The following LAMA2 variants were observed in gnomAD, a reference collection of about 807,000 sequenced individuals.
The protein encoded by LAMA2 is laminin subunit alpha-2.
In LAMA2, 269 loss-of-function variants were observed where a neutral mutation model predicts 364.8. The observed-to-expected ratio is 0.74, with a 90% CI of 0.67 to 0.82. The LOEUF is 0.82. LAMA2 is among the 40% of genes least tolerant of loss of function. LAMA2 has a pLI of 0.00. For synonymous variants in LAMA2, 1,379 were observed against 1,370.6 expected, an observed-to-expected ratio of 1.01 and a Z score of -0.14; for missense variants, 3,807 against 3,873.2, an observed-to-expected ratio of 0.98 and a Z score of 0.45.
intron 56 of LAMA2, among the ~76,000 whole-genome samples, chr6:129,489,476 C>T (rs9372935): frequency 0.32 from 48,623 of 152,000 alleles, 8,366 homozygotes; most frequent in African/African-American, 0.45. Flanking sequence ...TGGCATCCGC[C>T]TTGGTGGCCA....
At chr6:129,018,460 T>G (rs9492197) in intron 1 of LAMA2, among the ~76,000 whole-genome samples, 3,728 of 151,850 alleles carry the variant, frequency 0.025, 139 homozygotes, top group African/African-American at 0.086. Context: ...ATGAGACTTA[T>G]TAATATGAAA....
At chr6:129,236,180 G>C (rs1021474249) in intron 12 of LAMA2, among the ~76,000 whole-genome samples, 1 of 151,924 alleles carries the variant, frequency 6.6e-6, no homozygotes, top group Non-Finnish European at 1.5e-5. Flanking sequence ...ACAGTAAAAT[G>C]AGCAAGAAAA....
chr6:128,890,398 A>G (rs1208590989), intron 1 of LAMA2, among the ~76,000 whole-genome samples: 1 of 152,134 alleles, frequency 6.6e-6, no homozygotes, highest in East Asian at 1.9e-4. Context: ...TTGGACTTTT[A>G]TATATTTATC....
chr6:129,444,031 A>G (rs1782246655), intron 44 of LAMA2, among the ~76,000 whole-genome samples: 1 of 152,204 alleles, frequency 6.6e-6, no homozygotes, highest in Non-Finnish European at 1.5e-5. Context: ...CCTTAGGAAT[A>G]TAGATTAAAA....
chr6:129,366,311 G>A lies in LAMA2; in HGVS notation c.4810G>A (p.Ala1604Thr), dbSNP rs1440024241. The A allele has an allele frequency of 1.2e-6, 2 of 1,613,970 alleles. No homozygotes were observed. The highest frequency in any genetic ancestry group is 4.5e-5 in the East Asian group (2 of 44,864). The change falls in exon 33 of 65, where the codon GCG becomes ACG. Residue 1604 changes from alanine to threonine, a missense_variant. By Grantham distance (58) the Ala-to-Thr change is moderately conservative. Coordinates refer to ENST00000421865, the MANE Select transcript of LAMA2 (RefSeq NM_000426.4). ...CATCAACCTCACTGGTCCGCTGCCTGCGCCATATAAAATGCTGTATGGTCT... is the reference window on the plus strand; with the variant it reads ...CATCAACCTCACTGGTCCGCTGCCTACGCCATATAAAATGCTGTATGGTCT... ...MSINLTGPLPAPYKMLYGLEN... is the reference protein window; with the variant it reads ...MSINLTGPLPTPYKMLYGLEN...
intron 1 of LAMA2, among the ~76,000 whole-genome samples, chr6:129,018,204 A>G (rs1483823914): frequency 6.6e-6 from 1 of 152,090 alleles, no homozygotes; most frequent in Non-Finnish European, 1.5e-5. Context: ...TCTTTTTAGG[A>G]AACAAAAGAA....
Position 129,516,466 on chromosome 6 carries a change from T to A in LAMA2, c.*119T>A, listed in dbSNP as rs1184806373. The A allele has an allele frequency of 3.0e-6, 3 of 1,003,836 alleles. No homozygotes were observed. The highest frequency in any genetic ancestry group is 2.0e-5 in the Admixed American group (1 of 50,016). 62.2% of individuals were successfully genotyped at this position (1,003,836 alleles called of 1,614,324 possible). A position where few individuals can be genotyped will look rare whatever the true frequency, so the allele number is the denominator to read the frequency against. Reference sequence around the variant, plus strand: ...AATTTGTGCATGTACATAGAATTCTTTCTGTATTCAGATGGTGCTAATTCA... The same window carrying A: ...AATTTGTGCATGTACATAGAATTCTATCTGTATTCAGATGGTGCTAATTCA... On this transcript the variant is annotated 3_prime_UTR_variant, in exon 65 of 65. Coordinates refer to ENST00000421865, the MANE Select transcript of LAMA2 (RefSeq NM_000426.4).
At chr6:129,418,750 A>C (rs1433785284) in intron 40 of LAMA2, among the ~76,000 whole-genome samples, 1 of 152,132 alleles carries the variant, frequency 6.6e-6, no homozygotes, top group Non-Finnish European at 1.5e-5. Context: ...GTGTCACCTA[A>C]TGTACCAATA....
At position 129,157,506 on chromosome 6, in the gene LAMA2, C is replaced by G. The variant is rs1300516148; in HGVS notation, c.1206+2823C>G. The G allele has an allele frequency of 6.2e-6, 10 of 1,611,566 alleles. No individual in the cohort carries two copies. In the Admixed American group the frequency reaches 1.7e-4, roughly 27 times the overall value. ...CAGTTCTTGCAGTCTAGAGTTTCTCCTCCGATGGTTTAACCGTCAGATTTT... is the reference window on the plus strand; with the variant it reads ...CAGTTCTTGCAGTCTAGAGTTTCTCGTCCGATGGTTTAACCGTCAGATTTT... On this transcript the variant is annotated intron_variant, in intron 8 of 64. Transcript: ENST00000421865.
chr6:129,238,912 T>G (rs1452985888), intron 12 of LAMA2, among the ~76,000 whole-genome samples: 1 of 152,268 alleles, frequency 6.6e-6, no homozygotes, highest in South Asian at 2.1e-4. Flanking sequence ...TTTTGTATTA[T>G]CTGTAGCTTG....
intron 32 of LAMA2, 87 bp downstream of exon 32, chr6:129,353,444 C>T (rs1776974392): frequency 4.6e-6 from 5 of 1,098,204 alleles, no homozygotes; most frequent in Non-Finnish European, 6.6e-6. Context: ...CTCTCCCCGC[C>T]CGCCTTTTTT....
intron 55 of LAMA2, among the ~76,000 whole-genome samples, chr6:129,485,908 G>A (rs1285661153): frequency 6.6e-6 from 1 of 152,154 alleles, no homozygotes; most frequent in East Asian, 1.9e-4. Flanking sequence ...TTCATGATGG[G>A]ATATCAAAAC....
At chr6:129,029,633 T>C (rs750329705) in intron 1 of LAMA2, among the ~76,000 whole-genome samples, 5 of 151,972 alleles carry the variant, frequency 3.3e-5, no homozygotes, top group African/African-American at 1.2e-4. Flanking sequence ...TTGGTAATGA[T>C]GAGCAATTTT....
chr6:128,960,462 A>T (rs1307675742), intron 1 of LAMA2, among the ~76,000 whole-genome samples: 5 of 99,580 alleles, frequency 5.0e-5, no homozygotes, highest in Non-Finnish European at 4.1e-5. Context: ...CCTTGGCCCC[A>T]CCCCGCCCCC....
chr6:129,085,248 A>G (rs1196697913), intron 3 of LAMA2, among the ~76,000 whole-genome samples: 6 of 152,220 alleles, frequency 3.9e-5, no homozygotes, highest in African/African-American at 1.4e-4. Flanking sequence ...TTAAATGGAA[A>G]TGTCTATAGA....
intron 1 of LAMA2, among the ~76,000 whole-genome samples, chr6:128,950,651 A>T (rs578153733): frequency 1.3e-5 from 2 of 152,100 alleles, no homozygotes; most frequent in African/African-American, 4.8e-5. Context: ...CAGTCAAGTT[A>T]TGTCACCTCT....
intron 58 of LAMA2, among the ~76,000 whole-genome samples, chr6:129,500,034 C>T (rs756682556): frequency 9.9e-5 from 15 of 151,930 alleles, no homozygotes; most frequent in Admixed American, 2.0e-4. Context: ...GGATTAAAAA[C>T]ATGAGCCACC....
intron 12 of LAMA2, among the ~76,000 whole-genome samples, chr6:129,222,349 A>AT (rs199992815): frequency 5.1e-4 from 75 of 147,560 alleles, no homozygotes; most frequent in Admixed American, 2.4e-3. Flanking sequence ...GGTACATAGC[A>AT]TTTTTTTTTT....
At chr6:129,260,023 C>T (rs905835935) in intron 14 of LAMA2, among the ~76,000 whole-genome samples, 1 of 151,980 alleles carries the variant, frequency 6.6e-6, no homozygotes, top group Non-Finnish European at 1.5e-5. Flanking sequence ...TCCAATTTTC[C>T]ATTTGGCCAA....
Sources: gnomAD v4.1 joint callset for allele counts (sites outside exome capture counted in the v4.1 genomes callset) on GRCh38, gnomAD v4.1.1 for gene constraint, MANE v1.5 for transcripts, NCBI Gene and HGNC (gene_info 2026-07-23, HGNC 2026-07-21) for gene names.